Variants in ATP8A2 observed in about 807,000 individuals in gnomAD.
ATP8A2 encodes ATPase phospholipid transporting 8A2, also known as phospholipid-transporting ATPase IB.
In ATP8A2, 100 loss-of-function variants were observed where a neutral mutation model predicts 165.6. That is an observed-to-expected ratio of 0.60 (90% CI 0.51 to 0.71). ATP8A2 has a LOEUF of 0.71. Ranked by LOEUF, ATP8A2 falls within the 30% of genes least tolerant of loss-of-function variation. The probability of loss-of-function intolerance (pLI) is 0.00; values close to 1 mark genes in which losing one functional copy is unlikely to be tolerated. For synonymous variants in ATP8A2, 543 were observed against 548.8 expected (o/e 0.99, Z 0.15); for missense variants, 1,227 against 1,479.5 (o/e 0.83, Z 2.80).
rs533778692 is a variant in ATP8A2, at chr13:25,975,142, G to A, written c.3377+6463G>A. Among the ~76,000 whole-genome samples, 36 of 152,260 alleles carry A rather than the reference G, an allele frequency of 2.4e-4. 1 individual carries two copies. In the South Asian group the frequency reaches 6.8e-3, roughly 29 times the overall value. On this transcript the variant is annotated intron_variant, in intron 35 of 36. Transcript: ENST00000381655. The stretch of plus-strand genomic sequence containing the variant: ...CTGTGTCCCAAGCACTGGGCCACAC[G>A]TGGGCTACTCAGGGGCAGCAGGACA...
At chr13:25,594,380 C>A (rs946948914) in intron 24 of ATP8A2, among the ~76,000 whole-genome samples, 1 of 152,004 alleles carries the variant, frequency 6.6e-6, no homozygotes, top group Non-Finnish European at 1.5e-5. Flanking sequence ...GGTGGAAGAC[C>A]TATACAAAAC....
chr13:25,642,415 C>T (rs552653728), intron 24 of ATP8A2, among the ~76,000 whole-genome samples: 2 of 151,908 alleles, frequency 1.3e-5, no homozygotes, highest in Non-Finnish European at 2.9e-5. Flanking sequence ...AAAAAAACAA[C>T]CCCATCACAA....
At chr13:25,839,867 A>G (rs1222636062) in intron 30 of ATP8A2, among the ~76,000 whole-genome samples, 1 of 152,152 alleles carries the variant, frequency 6.6e-6, no homozygotes, top group African/African-American at 2.4e-5. Context: ...TACTAGGAAT[A>G]CTCAACTCAG....
intron 33 of ATP8A2, among the ~76,000 whole-genome samples, chr13:25,904,086 T>G (rs1953854237): frequency 6.6e-6 from 1 of 152,186 alleles, no homozygotes; most frequent in Admixed American, 6.5e-5. Context: ...TGCATTGGAC[T>G]TACCAGTTGA....
intron 6 of ATP8A2, among the ~76,000 whole-genome samples, chr13:25,534,004 A>C (rs182303580): frequency 6.0e-4 from 92 of 152,336 alleles, no homozygotes; most frequent in African/African-American, 1.8e-3. Flanking sequence ...GATTAACATG[A>C]TTTCAAAAGA....
At chr13:25,943,082 T>C (rs146426835) in intron 33 of ATP8A2, among the ~76,000 whole-genome samples, 7 of 152,176 alleles carry the variant, frequency 4.6e-5, no homozygotes, top group East Asian at 1.9e-4. Flanking sequence ...TGTGCTCCAT[T>C]AGAGGAACGA....
chr13:25,697,875 T>G (rs1383303203), intron 24 of ATP8A2, among the ~76,000 whole-genome samples: 1 of 152,208 alleles, frequency 6.6e-6, no homozygotes, highest in Non-Finnish European at 1.5e-5. Context: ...AAATAAATCT[T>G]TATGAAATTG....
intron 16 of ATP8A2, among the ~76,000 whole-genome samples, chr13:25,568,188 A>G (rs1040636848): frequency 3.3e-5 from 5 of 152,206 alleles, no homozygotes; most frequent in African/African-American, 1.2e-4. Flanking sequence ...TTAGAGAATC[A>G]ACCTATGAGA....
At chr13:25,651,954 AT>A (rs1237854081) in intron 24 of ATP8A2, among the ~76,000 whole-genome samples, 3 of 152,092 alleles carry the variant, frequency 2.0e-5, no homozygotes, top group Non-Finnish European at 2.9e-5. Flanking sequence ...GATTAAAAAA[AT>A]TTTTTTAACA....
chr13:25,444,067 T>G (rs1454755910), intron 1 of ATP8A2, among the ~76,000 whole-genome samples: 3 of 152,236 alleles, frequency 2.0e-5, no homozygotes, highest in Non-Finnish European at 4.4e-5. Context: ...AGGTTAGATC[T>G]TCTAGATCTC....
chr13:25,798,609 T>C (rs1448262397), intron 27 of ATP8A2, among the ~76,000 whole-genome samples: 4 of 152,180 alleles, frequency 2.6e-5, no homozygotes, highest in Non-Finnish European at 5.9e-5. Context: ...TTGCTGTGCA[T>C]TGACAGTATT....
At chr13:25,778,826 C>A (rs1007794764) in intron 27 of ATP8A2, among the ~76,000 whole-genome samples, 3 of 152,184 alleles carry the variant, frequency 2.0e-5, no homozygotes, top group African/African-American at 4.8e-5. Flanking sequence ...TATTTGTAAT[C>A]AGTGTTACTC....
At chr13:25,382,792 G>A (rs1246933052) in intron 1 of ATP8A2, among the ~76,000 whole-genome samples, 2 of 148,796 alleles carry the variant, frequency 1.3e-5, no homozygotes, top group Admixed American at 6.7e-5. Context: ...GTCTCGCTGT[G>A]TCGCCCAGGC....
In ATP8A2 at chr13:25,581,958, G is replaced by A. The variant is rs1280598140; in HGVS notation, c.2146+1G>A. On this transcript the variant is annotated splice_donor_variant, in intron 23 of 36. Coordinates refer to ENST00000381655, the MANE Select transcript of ATP8A2 (RefSeq NM_016529.6). LOFTEE classifies it high-confidence loss of function. The stretch of plus-strand genomic sequence containing the variant: ...AAACAAGAAACTGCGATTAATATAG[G>A]TAATTATTTTTACAAATAATTTCCT... 6.3e-7 allele frequency: 1 copy of A among 1,596,892 alleles called. No homozygotes were observed. The highest frequency in any genetic ancestry group is 8.5e-7 in the Non-Finnish European group (1 of 1,174,744).
intron 25 of ATP8A2, 83 bp from the exon 26 acceptor site, chr13:25,768,963 C>T: frequency 4.5e-6 from 6 of 1,327,068 alleles, no homozygotes; most frequent in Non-Finnish European, 6.5e-6. Context: ...AGTAACTGTC[C>T]TTTTAATGCA....
chr13:25,532,882 CCT>C (rs1268163088), intron 5 of ATP8A2, among the ~76,000 whole-genome samples: 1 of 152,084 alleles, frequency 6.6e-6, no homozygotes, highest in African/African-American at 2.4e-5. Context: ...CCCAGGCTAG[CCT>C]CAAACTTCTG....
chr13:25,806,706 G>T (rs926493839), intron 27 of ATP8A2, among the ~76,000 whole-genome samples: 3 of 152,124 alleles, frequency 2.0e-5, no homozygotes, highest in Admixed American at 6.5e-5. Context: ...AGTGGAATTG[G>T]TGAGTCATAA....
chr13:25,417,706 C>G (rs2034175894), intron 1 of ATP8A2, among the ~76,000 whole-genome samples: 1 of 152,226 alleles, frequency 6.6e-6, no homozygotes, highest in Non-Finnish European at 1.5e-5. Context: ...CAGGAATCTG[C>G]ATTTCTCAGA....
intron 1 of ATP8A2, among the ~76,000 whole-genome samples, chr13:25,410,006 G>T (rs929406660): frequency 5.0e-3 from 1 of 202 alleles, no homozygotes; most frequent in Non-Finnish European, 9.8e-3. Flanking sequence ...ACATATTTTT[G>T]TATGTGTATT....
Sources: allele counts gnomAD v4.1 joint callset (sites outside exome capture counted in the v4.1 genomes callset), GRCh38; gene constraint gnomAD v4.1.1; transcripts MANE v1.5; gene names NCBI Gene and HGNC (gene_info 2026-07-23, HGNC 2026-07-21).